ZSWIM6: variants seen among roughly 807,000 people sequenced by gnomAD.
ZSWIM6 encodes the protein zinc finger SWIM-type containing 6.
In ZSWIM6, 9 loss-of-function variants were observed where a neutral mutation model predicts 113.2. The observed-to-expected ratio is 0.08, with a 90% confidence interval of 0.05 to 0.14. ZSWIM6 has a LOEUF of 0.14. Ranked by LOEUF, ZSWIM6 falls within the 10% of genes least tolerant of loss-of-function variation. The pLI, the probability that ZSWIM6 is intolerant of heterozygous loss-of-function variation, is 1.00. For synonymous variants in ZSWIM6, 611 were observed against 606.5 expected, an observed-to-expected ratio of 1.01 and a Z score of -0.11; for missense variants, 1,162 against 1,552.2, an observed-to-expected ratio of 0.75 and a Z score of 4.22.
chr5:61,418,715 G>A (rs926172545), intron 1 of ZSWIM6, among the ~76,000 whole-genome samples: 4 of 152,230 alleles, frequency 2.6e-5, no homozygotes, highest in African/African-American at 4.8e-5. Flanking sequence ...TGGTCTTTAA[G>A]ATGCTCTTTA....
At chr5:61,434,457 C>T (rs1172499573) in intron 1 of ZSWIM6, among the ~76,000 whole-genome samples, 1 of 148,430 alleles carries the variant, frequency 6.7e-6, no homozygotes, top group Non-Finnish European at 1.5e-5. Context: ...TTTCACCTTT[C>T]CCCCACGAGT....
At chr5:61,383,870 A>G (rs1228998735) in intron 1 of ZSWIM6, among the ~76,000 whole-genome samples, 1 of 151,792 alleles carries the variant, frequency 6.6e-6, no homozygotes, top group Non-Finnish European at 1.5e-5. Flanking sequence ...ATACATGCTA[A>G]TACCTTTTGG....
At chr5:61,392,306 C>G (rs1449132778) in intron 1 of ZSWIM6, among the ~76,000 whole-genome samples, 1 of 152,186 alleles carries the variant, frequency 6.6e-6, no homozygotes, top group Non-Finnish European at 1.5e-5. Context: ...CCTTTTTCTC[C>G]TGTATCTTTT....
intron 1 of ZSWIM6, chr5:61,391,754 G>T: frequency 9.3e-7 from 1 of 1,079,680 alleles, no homozygotes; most frequent in African/African-American, 1.5e-5. Flanking sequence ...AGGTGGACCA[G>T]CTTGGAAGGG....
intron 1 of ZSWIM6, among the ~76,000 whole-genome samples, chr5:61,443,587 G>T (rs927302596): frequency 3.3e-5 from 5 of 152,162 alleles, no homozygotes; most frequent in African/African-American, 1.2e-4. Flanking sequence ...TTTGTCAAAT[G>T]TCAGAGGTTT....
At chr5:61,377,328 A>G (rs1160648840) in intron 1 of ZSWIM6, among the ~76,000 whole-genome samples, 1 of 152,204 alleles carries the variant, frequency 6.6e-6, no homozygotes, top group Non-Finnish European at 1.5e-5. Context: ...AAATAGAACT[A>G]AGCAGGGGAG....
rs529935613 is a variant in ZSWIM6 at position 61,484,589 on chromosome 5, G to A, written c.1034-6197G>A. Among the ~76,000 whole-genome samples, 3 of 152,276 alleles carry A rather than the reference G, an allele frequency of 2.0e-5. No homozygotes were observed. In the East Asian group the frequency reaches 5.8e-4, roughly 29 times the overall value. ...CTATAGGTATTTTGTGCAGGGGTGT[G>A]TGCATATGTGTCTGTAGAATCAAAA... On this transcript the variant is annotated intron_variant, in intron 2 of 13. Transcript: ENST00000252744.
At chr5:61,458,631 A>G (rs1747259800) in intron 1 of ZSWIM6, among the ~76,000 whole-genome samples, 1 of 152,222 alleles carries the variant, frequency 6.6e-6, no homozygotes, top group Non-Finnish European at 1.5e-5. Context: ...TAATCCCAGC[A>G]CTTTGGGAGG....
At chr5:61,471,877 G>T (rs1031564248) in intron 1 of ZSWIM6, among the ~76,000 whole-genome samples, 1 of 152,044 alleles carries the variant, frequency 6.6e-6, no homozygotes, top group Non-Finnish European at 1.5e-5. Flanking sequence ...TAAGTTTAAG[G>T]TATAAGGCCT....
chr5:61,526,488 T>C, intron 7 of ZSWIM6, 92 bp downstream of exon 7: 1 of 1,397,266 alleles, frequency 7.2e-7, no homozygotes, highest in Non-Finnish European at 9.7e-7. Context: ...CTTTTAGAAC[T>C]AAAACCATAG....
intron 10 of ZSWIM6, among the ~76,000 whole-genome samples, chr5:61,536,074 A>G (rs1312715468): frequency 6.6e-6 from 1 of 152,226 alleles, no homozygotes; most frequent in African/African-American, 2.4e-5. Context: ...TGTATTGCCA[A>G]GGCACATCTG....
chr5:61,433,596 C>A (rs1365712963), intron 1 of ZSWIM6, among the ~76,000 whole-genome samples: 1 of 151,982 alleles, frequency 6.6e-6, no homozygotes, highest in Non-Finnish European at 1.5e-5. Flanking sequence ...CCTCAGCCTC[C>A]CAGGTAGCTG....
intron 1 of ZSWIM6, among the ~76,000 whole-genome samples, chr5:61,433,875 A>G (rs1348142815): frequency 1.3e-5 from 2 of 151,594 alleles, no homozygotes; most frequent in Non-Finnish European, 2.9e-5. Flanking sequence ...TTTTTCTGAT[A>G]CAAATATCAA....
At chr5:61,464,832 C>T (rs1268409965) in intron 1 of ZSWIM6, among the ~76,000 whole-genome samples, 1 of 152,234 alleles carries the variant, frequency 6.6e-6, no homozygotes, top group Non-Finnish European at 1.5e-5. Flanking sequence ...AAAGGATCTT[C>T]TGCTTCCTCC....
intron 1 of ZSWIM6, among the ~76,000 whole-genome samples, chr5:61,462,665 G>A (rs558401379): frequency 6.6e-6 from 1 of 152,306 alleles, no homozygotes; most frequent in Admixed American, 6.5e-5. Context: ...TGTTGAAAAC[G>A]CCAAGCTTCC....
chr5:61,415,703 A>G (rs1369689507), intron 1 of ZSWIM6, among the ~76,000 whole-genome samples: 1 of 152,108 alleles, frequency 6.6e-6, no homozygotes, highest in Non-Finnish European at 1.5e-5. Flanking sequence ...CCATTTCTCT[A>G]CAGTTCACAA....
chr5:61,368,625 T>G (rs1745206883), intron 1 of ZSWIM6, among the ~76,000 whole-genome samples: 1 of 152,228 alleles, frequency 6.6e-6, no homozygotes, highest in Non-Finnish European at 1.5e-5. Flanking sequence ...TCAGTTTGCC[T>G]TTTGGGTAAA....
intron 2 of ZSWIM6, among the ~76,000 whole-genome samples, chr5:61,484,164 C>T (rs1226325596): frequency 6.6e-6 from 1 of 152,082 alleles, no homozygotes; most frequent in Non-Finnish European, 1.5e-5. Context: ...TGTGGCAAAC[C>T]AAGCCCCCAA....
At chr5:61,356,731 A>AT (rs1554030371) in intron 1 of ZSWIM6, among the ~76,000 whole-genome samples, 2 of 131,378 alleles carry the variant, frequency 1.5e-5, no homozygotes, top group East Asian at 2.1e-4. Flanking sequence ...CATAATATAT[A>AT]ATATATATTA....
Sources: allele counts gnomAD v4.1 joint callset (sites outside exome capture counted in the v4.1 genomes callset), GRCh38; gene constraint gnomAD v4.1.1; transcripts MANE v1.5; gene names NCBI Gene and HGNC (gene_info 2026-07-23, HGNC 2026-07-21).